VAV1: variants seen among roughly 807,000 people sequenced by gnomAD.
VAV1 encodes vav guanine nucleotide exchange factor 1, also known as proto-oncogene vav.
Under a neutral mutation model 128.1 loss-of-function variants are expected in VAV1, and 33 were observed. The ratio of observed to expected loss-of-function variants is 0.26; its 90% CI spans 0.20 to 0.34. VAV1 has a LOEUF of 0.34. VAV1 is among the 10% of genes least tolerant of loss of function. The pLI, the probability that VAV1 is intolerant of heterozygous loss-of-function variation, is 1.00. For synonymous variants in VAV1, 394 were observed against 409.8 expected, an observed-to-expected ratio of 0.96 and a Z score of 0.47; for missense variants, 715 against 1,093.7, an observed-to-expected ratio of 0.65 and a Z score of 4.88.
At chr19:6,811,142 C>T (rs1405674393) in intron 1 of VAV1, among the ~76,000 whole-genome samples, 1 of 152,088 alleles carries the variant, frequency 6.6e-6, no homozygotes, top group Non-Finnish European at 1.5e-5. Flanking sequence ...TTCAAGTGAT[C>T]CTCCTGCCTC....
At chr19:6,834,048 C>T in intron 19 of VAV1, 95 bp downstream of exon 19, 6 of 1,564,042 alleles carry the variant, frequency 3.8e-6, no homozygotes, top group Non-Finnish European at 5.3e-6. Flanking sequence ...TATTAACAGC[C>T]ACATTGGGCC....
rs923798720 is a variant in VAV1 at position 6,826,286 on chromosome 19, C to T, written c.828-326C>T. ...CCGGGAGATGGAGGTTGCACTGAGC[C>T]CAGATCACACCACTGTACTCCAGCC... On this transcript the variant is annotated intron_variant, in intron 8 of 26. Coordinates refer to ENST00000602142, the MANE Select transcript of VAV1 (RefSeq NM_005428.4). The surrounding 1 kb of genome is among the most constrained non-coding windows in gnomAD (Gnocchi z 4.1). Among the ~76,000 whole-genome samples, 4 of 151,968 alleles carry T rather than the reference C, an allele frequency of 2.6e-5. No homozygotes were observed. Among genetic ancestry groups the T allele is most frequent in the African/African-American group, 4.8e-5 (2 of 41,372 alleles).
intron 8 of VAV1, among the ~76,000 whole-genome samples, chr19:6,825,822 C>T (rs1267903467): frequency 6.6e-6 from 1 of 151,646 alleles, no homozygotes; most frequent in East Asian, 1.9e-4. Flanking sequence ...GTGAGGAGTT[C>T]AAGACCAGGC....
intron 7 of VAV1, 32 bp downstream of exon 7, chr19:6,825,153 C>A: frequency 6.2e-7 from 1 of 1,601,888 alleles, no homozygotes; most frequent in South Asian, 1.1e-5. Context: ...CCTCTTGGGT[C>A]TGTCTAGTGC....
rs71177123 is a variant in VAV1 at position 6,844,063 on chromosome 19, C to CTTTTTTTTTTTTTTTTTTTTTTTT, written c.2012+915_2012+938dup. On this transcript the variant is annotated intron_variant, in intron 22 of 26. Transcript: ENST00000602142. ...ACTTTCTTCTTTTCTTCTTCTTCTT[C>CTTTTTTTTTTTTTTTTTTTTTTTT]TTTTTTTTTTTTTTTTTTTTTTTTT... 1.5e-3 allele frequency among the ~76,000 whole-genome samples: 31 copies of CTTTTTTTTTTTTTTTTTTTTTTTT among 21,324 alleles called. 11 individuals are homozygous for CTTTTTTTTTTTTTTTTTTTTTTTT. The highest frequency in any genetic ancestry group is 1.8e-3 in the African/African-American group (15 of 8,150). 14.0% of individuals were successfully genotyped at this position (21,324 alleles called of 152,430 possible).
chr19:6,830,965 G>A lies in VAV1; in HGVS notation c.1398+1047G>A, dbSNP rs377299995. Among the ~76,000 whole-genome samples the A allele has an allele frequency of 4.6e-5, 7 of 152,218 alleles. No homozygotes were observed. In the East Asian group the frequency reaches 1.4e-3, roughly 30 times the overall value. Reference sequence around the variant, plus strand: ...AATTTAGCTGGGCTTGGTGGCACATGCCTGTAGCCCTAGCTACATGGGAGG... The same window carrying A: ...AATTTAGCTGGGCTTGGTGGCACATACCTGTAGCCCTAGCTACATGGGAGG... On this transcript the variant is annotated intron_variant, in intron 14 of 26. Transcript: ENST00000602142.
At chr19:6,824,921 C>T (rs1307933622) in intron 6 of VAV1, 132 bp from the exon 7 acceptor site, 3 of 970,104 alleles carry the variant, frequency 3.1e-6, no homozygotes, top group Non-Finnish European at 5.0e-6. Context: ...TGTGAACATT[C>T]TTGTACAAGT....
intron 1 of VAV1, among the ~76,000 whole-genome samples, chr19:6,795,346 C>G (rs1313879560): frequency 1.3e-5 from 2 of 152,100 alleles, no homozygotes; most frequent in Non-Finnish European, 2.9e-5. Context: ...GCAAATGACC[C>G]TCCTTCTCTG....
At chr19:6,799,269 G>A (rs1271412383) in intron 1 of VAV1, among the ~76,000 whole-genome samples, 2 of 152,114 alleles carry the variant, frequency 1.3e-5, no homozygotes, top group East Asian at 1.9e-4. Flanking sequence ...CCAGGTTCAA[G>A]CGATTCTTCT....
intron 25 of VAV1, 89 bp from the exon 26 acceptor site, chr19:6,853,857 CT>C: frequency 6.5e-7 from 1 of 1,526,730 alleles, no homozygotes; most frequent in East Asian, 2.3e-5. Context: ...GCCCTTTATC[CT>C]GGAGTTACTG....
intron 21 of VAV1, among the ~76,000 whole-genome samples, chr19:6,840,811 C>T (rs1395069270): frequency 1.3e-5 from 2 of 151,678 alleles, no homozygotes; most frequent in Non-Finnish European, 2.9e-5. Flanking sequence ...TGGAGTTTCG[C>T]TCTTGTTGCC....
In VAV1 at chr19:6,822,533, G is replaced by C. The variant is rs1308693923; in HGVS notation, c.654+19G>C. 6.5e-7 allele frequency: 1 copy of C among 1,542,472 alleles called. No homozygotes were observed. The highest frequency in any genetic ancestry group is 1.2e-5 in the South Asian group (1 of 83,984). ...CCAGCAGGTGGGCGCCTCCCACCCAGCGCCTGCCGGGCGCATGCGCGGGAG... is the reference window on the plus strand; with the variant it reads ...CCAGCAGGTGGGCGCCTCCCACCCACCGCCTGCCGGGCGCATGCGCGGGAG... On this transcript the variant is annotated intron_variant, in intron 6 of 26. Coordinates refer to ENST00000602142, the MANE Select transcript of VAV1 (RefSeq NM_005428.4). This position sits in a 1 kb window ranked among gnomAD's most constrained non-coding sequence, Gnocchi z 5.9.
intron 24 of VAV1, 78 bp downstream of exon 24, chr19:6,850,835 C>G (rs1972657644): frequency 6.8e-7 from 1 of 1,465,874 alleles, no homozygotes; most frequent in Non-Finnish European, 9.5e-7. Flanking sequence ...TTGGGACCCC[C>G]TTTTCCCACA....
chr19:6,805,132 A>T (rs1971363073), intron 1 of VAV1, among the ~76,000 whole-genome samples: 1 of 151,910 alleles, frequency 6.6e-6, no homozygotes, highest in Non-Finnish European at 1.5e-5. Context: ...TGCCATGAAA[A>T]GCGGTGGTAA....
intron 1 of VAV1, among the ~76,000 whole-genome samples, chr19:6,783,391 G>C (rs2144698542): frequency 6.6e-6 from 1 of 151,832 alleles, no homozygotes; most frequent in East Asian, 1.9e-4. Context: ...GAAGGCCCTT[G>C]GAGTCTTTTC....
intron 1 of VAV1, among the ~76,000 whole-genome samples, chr19:6,785,271 A>G (rs1361210182): frequency 6.6e-6 from 1 of 152,036 alleles, no homozygotes; most frequent in Non-Finnish European, 1.5e-5. Flanking sequence ...TTCTGGGCTC[A>G]AGTGATCCTC....
At chr19:6,795,625 G>A (rs1022182644) in intron 1 of VAV1, among the ~76,000 whole-genome samples, 2 of 152,044 alleles carry the variant, frequency 1.3e-5, no homozygotes, top group Admixed American at 6.6e-5. Context: ...AGGGTGGCAC[G>A]TCTTAGCTCT....
At chr19:6,787,921 C>T (rs1555698508) in intron 1 of VAV1, among the ~76,000 whole-genome samples, 1 of 151,712 alleles carries the variant, frequency 6.6e-6, no homozygotes, top group Non-Finnish European at 1.5e-5. Context: ...CTAAAAAATA[C>T]AAAAAATTAG....
At position 6,844,063 on chromosome 19, in the gene VAV1, C is replaced by CTTTTTTTTTTTTTTT. The variant is rs71177123; in HGVS notation, c.2012+924_2012+938dup. On this transcript the variant is annotated intron_variant, in intron 22 of 26. Coordinates refer to ENST00000602142, the MANE Select transcript of VAV1 (RefSeq NM_005428.4). ...ACTTTCTTCTTTTCTTCTTCTTCTTCTTTTTTTTTTTTTTTTTTTTTTTTT... is the reference window on the plus strand; with the variant it reads ...ACTTTCTTCTTTTCTTCTTCTTCTTCTTTTTTTTTTTTTTTTTTTTTTTTTTTTTTTTTTTTTTTT... Among the ~76,000 whole-genome samples the CTTTTTTTTTTTTTTT allele has an allele frequency of 2.4e-3, 51 of 21,324 alleles. 20 individuals carry two copies. The highest frequency in any genetic ancestry group is 3.9e-3 in the Admixed American group (5 of 1,274). The allele number at this position is 21,324 out of a possible 152,430, so 14.0% of individuals were successfully genotyped here. A position where few individuals can be genotyped will look rare whatever the true frequency, so the allele number is the denominator to read the frequency against.
Sources: gnomAD v4.1 joint callset for allele counts (sites outside exome capture counted in the v4.1 genomes callset) on GRCh38, gnomAD v4.1.1 for gene constraint, Gnocchi (gnomAD v3.1) non-coding constraint, MANE v1.5 for transcripts, NCBI Gene and HGNC (gene_info 2026-07-23, HGNC 2026-07-21) for gene names.